CCDC186: variants seen among roughly 807,000 people sequenced by gnomAD.
The protein encoded by CCDC186 is coiled-coil domain containing 186.
A neutral mutation model predicts 113.7 loss-of-function variants in CCDC186; 49 were observed. That is an observed-to-expected ratio of 0.43 (90% confidence interval 0.34 to 0.55). The LOEUF is 0.55. Among genes scored for constraint, CCDC186 ranks in the 20% least tolerant of loss-of-function variants. CCDC186 has a pLI of 0.02. For synonymous variants in CCDC186, 355 were observed against 345.8 expected, an observed-to-expected ratio of 1.03 and a Z score of -0.30; for missense variants, 890 against 1,011.1, an observed-to-expected ratio of 0.88 and a Z score of 1.62.
At chr10:114,168,888 T>C (rs1287241744) in intron 1 of CCDC186, among the ~76,000 whole-genome samples, 1 of 152,222 alleles carries the variant, frequency 6.6e-6, no homozygotes, top group African/African-American at 2.4e-5. Flanking sequence ...TAACAGGTTA[T>C]CAAACAAACT....
chr10:114,135,444 A>T (rs190744698), intron 9 of CCDC186, among the ~76,000 whole-genome samples: 34 of 152,354 alleles, frequency 2.2e-4, no homozygotes, highest in African/African-American at 7.7e-4. Context: ...TCATATTAGA[A>T]GACATACTAA....
chr10:114,139,580 GA>G lies in CCDC186; in HGVS notation c.1222-2291del, dbSNP rs1418836142. Reference sequence around the variant, plus strand: ...TCCATCTCAAAAAAAAAAAAGAAAAGAAAAAAAAACAAAAATAAACTGTTTC... The same window carrying G: ...TCCATCTCAAAAAAAAAAAAGAAAAGAAAAAAAACAAAAATAAACTGTTTC... On this transcript the variant is annotated intron_variant, in intron 6 of 15. Coordinates refer to ENST00000369287, the MANE Select transcript of CCDC186 (RefSeq NM_018017.4). Among the ~76,000 whole-genome samples, 6 of 139,428 alleles carry G rather than the reference GA, an allele frequency of 4.3e-5. No individual in the cohort carries two copies. In the East Asian group the frequency reaches 1.1e-3, roughly 25 times the overall value. 91.5% of individuals were successfully genotyped at this position (139,428 alleles called of 152,430 possible).
intron 2 of CCDC186, among the ~76,000 whole-genome samples, chr10:114,160,318 T>C (rs2032134913): frequency 6.6e-6 from 1 of 151,122 alleles, no homozygotes; most frequent in African/African-American, 2.4e-5. Flanking sequence ...AATATTGATG[T>C]GTTCAAAAAT....
chr10:114,139,339 G>C (rs188427815), intron 6 of CCDC186, among the ~76,000 whole-genome samples: 13 of 151,962 alleles, frequency 8.6e-5, no homozygotes, highest in African/African-American at 3.1e-4. Flanking sequence ...GAGGCAGATG[G>C]ATCACCTGAG....
intron 1 of CCDC186, chr10:114,165,907 T>C (rs1015606065): frequency 1.0e-6 from 1 of 982,272 alleles, no homozygotes; most frequent in Admixed American, 6.3e-5. Flanking sequence ...TACCTCTTCA[T>C]GCCAAGCAGC....
At chr10:114,129,098 T>A (rs2031004067) in intron 13 of CCDC186, among the ~76,000 whole-genome samples, 1 of 151,374 alleles carries the variant, frequency 6.6e-6, no homozygotes, top group Admixed American at 6.6e-5. Flanking sequence ...AAGCCAGGAG[T>A]TCAAGATCAG....
At chr10:114,134,736 C>G (rs1423596798) in intron 10 of CCDC186, among the ~76,000 whole-genome samples, 177 bp downstream of exon 10, 1 of 152,038 alleles carries the variant, frequency 6.6e-6, no homozygotes, top group Non-Finnish European at 1.5e-5. Context: ...TTTTTAGAAG[C>G]CATGACAGAA....
At chr10:114,157,035 A>G (rs553011318) in intron 3 of CCDC186, among the ~76,000 whole-genome samples, 4 of 152,348 alleles carry the variant, frequency 2.6e-5, no homozygotes, top group East Asian at 3.9e-4. Context: ...AGTCACATGC[A>G]TAAGAATAAA....
At chr10:114,152,633 G>A (rs1402968924) in intron 3 of CCDC186, among the ~76,000 whole-genome samples, 1 of 152,092 alleles carries the variant, frequency 6.6e-6, no homozygotes, top group Non-Finnish European at 1.5e-5. Flanking sequence ...AGATATGGCA[G>A]ACATAAATCC....
At chr10:114,162,581 T>A (rs2032204817) in intron 2 of CCDC186, 56 bp downstream of exon 2, 1 of 1,283,464 alleles carries the variant, frequency 7.8e-7, no homozygotes, top group Admixed American at 3.1e-5. Flanking sequence ...GAATTTTATC[T>A]CGAATCCCTG....
intron 2 of CCDC186, 34 bp from the exon 3 acceptor site, chr10:114,157,714 A>T: frequency 6.7e-7 from 1 of 1,488,640 alleles, no homozygotes; most frequent in Non-Finnish European, 9.1e-7. Context: ...TGTAAAACAT[A>T]ATTTAAAATG....
chr10:114,165,365 C>T (rs560003562), intron 1 of CCDC186, among the ~76,000 whole-genome samples: 84 of 152,338 alleles, frequency 5.5e-4, no homozygotes, highest in Admixed American at 1.1e-3. Context: ...GGCACTGCCA[C>T]CTACATTACC....
At chr10:114,126,130 G>A (rs372395606) in intron 14 of CCDC186, 25 bp from the exon 15 acceptor site, 1 of 1,578,908 alleles carries the variant, frequency 6.3e-7, no homozygotes, top group East Asian at 2.2e-5. Flanking sequence ...GATAGTATCA[G>A]TTGTGTACTT....
chr10:114,142,988 C>T (rs1024448005), intron 6 of CCDC186, among the ~76,000 whole-genome samples: 1 of 152,180 alleles, frequency 6.6e-6, no homozygotes, highest in Non-Finnish European at 1.5e-5. Flanking sequence ...TTGAAAGTAA[C>T]GACTGTGTCT....
At chr10:114,173,354 T>G in intron 1 of CCDC186, 1 of 320,766 alleles carries the variant, frequency 3.1e-6, no homozygotes, top group Non-Finnish European at 6.5e-6. Context: ...TTCCCAAGAT[T>G]GCTACTTAGG....
chr10:114,169,394 C>T (rs181629471), intron 1 of CCDC186, among the ~76,000 whole-genome samples: 93 of 152,034 alleles, frequency 6.1e-4, no homozygotes, highest in African/African-American at 2.0e-3. Context: ...CAGGGTTGTG[C>T]CATCACACCC....
rs772467892 is a variant in CCDC186, at chr10:114,145,705, A to G, written c.945T>C (p.Tyr315=). 7 of 1,609,776 alleles carry G rather than the reference A, an allele frequency of 4.3e-6. No homozygotes were observed. Among genetic ancestry groups the G allele is most frequent in the Middle Eastern group, 1.7e-4 (1 of 6,046 alleles). The change falls in exon 5 of 16, where the codon TAT becomes TAC. Residue 315 remains tyrosine, a synonymous_variant. Transcript: ENST00000369287. ...RQEKEAMVMK[Y]VRGEKESLDL... is the part of the protein sequence containing the mutation. Reference sequence around the variant, plus strand: ...CTAAAGATTCCTTCTCACCTCTTACATATTTCATTACCATTGCTTCTTTTT... The same window carrying G: ...CTAAAGATTCCTTCTCACCTCTTACGTATTTCATTACCATTGCTTCTTTTT...
In CCDC186 at chr10:114,174,074, G is replaced by A. The variant is rs1232983366; in HGVS notation, c.-121C>T. The A allele has an allele frequency of 6.4e-6, 3 of 472,032 alleles. No individual in the cohort carries two copies. Among genetic ancestry groups the A allele is most frequent in the Admixed American group, 2.3e-5 (1 of 42,572 alleles). 29.2% of individuals were successfully genotyped at this position (472,032 alleles called of 1,614,324 possible). A position where few individuals can be genotyped will look rare whatever the true frequency, so the allele number is the denominator to read the frequency against. On this transcript the variant is annotated 5_prime_UTR_variant, in exon 1 of 16. Transcript: ENST00000369287. Reference sequence around the variant, plus strand: ...AGGCTGCTGGAGCTCTGGCTCAGGGGCCAACTTTTCCATAGCGGGGTCCAA... The same window carrying A: ...AGGCTGCTGGAGCTCTGGCTCAGGGACCAACTTTTCCATAGCGGGGTCCAA...
At chr10:114,168,549 T>A (rs2119819562) in intron 1 of CCDC186, among the ~76,000 whole-genome samples, 1 of 152,322 alleles carries the variant, frequency 6.6e-6, no homozygotes, top group Admixed American at 6.5e-5. Flanking sequence ...ATGGACCAGC[T>A]GATGCCTGCC....
Sources: allele counts gnomAD v4.1 joint callset (sites outside exome capture counted in the v4.1 genomes callset), GRCh38; gene constraint gnomAD v4.1.1; transcripts MANE v1.5; gene names NCBI Gene and HGNC (gene_info 2026-07-23, HGNC 2026-07-21).